Variants in RANBP2 observed in about 807,000 individuals in gnomAD.
The protein encoded by RANBP2 is E3 SUMO-protein ligase RanBP2.
A neutral mutation model predicts 303.6 loss-of-function variants in RANBP2; 57 were observed. That is an observed-to-expected ratio of 0.19 (90% CI 0.15 to 0.23). The LOEUF (loss-of-function observed/expected upper bound fraction) is 0.23. Among genes scored for constraint, RANBP2 ranks in the 10% least tolerant of loss-of-function variants. RANBP2 has a pLI of 1.00. For synonymous variants in RANBP2, 1,167 were observed against 1,301.5 expected (o/e 0.90, Z 2.23); for missense variants, 3,138 against 3,780.8 (o/e 0.83, Z 4.46).
chr2:109,331,133 G>A, the RANBP2 span, among the ~76,000 whole-genome samples: 1 of 152,170 alleles, frequency 6.6e-6, no homozygotes, highest in African/African-American at 2.4e-5. Flanking sequence ...AAACTCAAAA[G>A]CGGTTTCATT....
chr2:108,910,077 C>T, the RANBP2 span, among the ~76,000 whole-genome samples: 1 of 152,218 alleles, frequency 6.6e-6, no homozygotes, highest in Non-Finnish European at 1.5e-5. Flanking sequence ...ACCAGCATTA[C>T]GGTGGCAGCA....
chr2:109,429,138 C>T, the RANBP2 span, among the ~76,000 whole-genome samples: 12 of 152,248 alleles, frequency 7.9e-5, no homozygotes, highest in Admixed American at 5.2e-4. Context: ...GGGCCGGTCT[C>T]GGCACAAATT....
At chr2:109,293,111 C>T in the RANBP2 span, among the ~76,000 whole-genome samples, 1 of 152,208 alleles carries the variant, frequency 6.6e-6, no homozygotes, top group Non-Finnish European at 1.5e-5. Flanking sequence ...CGCCATGACA[C>T]TGCAGGGGAC....
At chr2:109,025,502 T>C in the RANBP2 span, among the ~76,000 whole-genome samples, 1,971 of 152,184 alleles carry the variant, frequency 0.013, 33 homozygotes, top group African/African-American at 0.045. Context: ...CTGGAAAAAG[T>C]CCATTATAAA....
the RANBP2 span, among the ~76,000 whole-genome samples, chr2:109,698,189 A>C: frequency 2.0e-5 from 3 of 152,096 alleles, no homozygotes; most frequent in Admixed American, 6.6e-5. Context: ...TGCTGTGTCT[A>C]TAAATTAACC....
At chr2:109,628,160 G>A in the RANBP2 span, among the ~76,000 whole-genome samples, 14 of 152,236 alleles carry the variant, frequency 9.2e-5, no homozygotes, top group East Asian at 2.5e-3. Flanking sequence ...ATGCAGAGAT[G>A]CTCCAGGCTA....
At chr2:109,134,573 C>T in the RANBP2 span, among the ~76,000 whole-genome samples, 31 of 152,334 alleles carry the variant, frequency 2.0e-4, no homozygotes, top group African/African-American at 6.7e-4. Context: ...AAGTGTGGCT[C>T]ATCTGGTCCT....
chr2:109,251,295 C>T, the RANBP2 span: 1 of 396,154 alleles, frequency 2.5e-6, no homozygotes. Flanking sequence ...GCGTGAGCCA[C>T]CATGCCCGGC....
chr2:109,415,077 G>A, the RANBP2 span, among the ~76,000 whole-genome samples: 1 of 152,226 alleles, frequency 6.6e-6, no homozygotes. Context: ...AGAGGAAGAC[G>A]TGGCACTGCT....
chr2:109,094,939 C>T, the RANBP2 span, among the ~76,000 whole-genome samples: 39 of 152,200 alleles, frequency 2.6e-4, 2 homozygotes, highest in East Asian at 7.7e-4. Context: ...ATTTTGTTCA[C>T]GTGACTTTAG....
chr2:108,934,740 C>T, the RANBP2 span, among the ~76,000 whole-genome samples: 1,295 of 152,304 alleles, frequency 8.5e-3, 20 homozygotes, highest in African/African-American at 0.03. Context: ...CCCACTCCCG[C>T]GATGATGACA....
At chr2:109,169,847 A>G in the RANBP2 span, among the ~76,000 whole-genome samples, 1 of 152,030 alleles carries the variant, frequency 6.6e-6, no homozygotes, top group Non-Finnish European at 1.5e-5. Flanking sequence ...GCTATATAAA[A>G]CCAGAACTTC....
At chr2:109,532,557 G>C in the RANBP2 span, among the ~76,000 whole-genome samples, 1 of 150,896 alleles carries the variant, frequency 6.6e-6, no homozygotes, top group African/African-American at 2.5e-5. Context: ...GAAGGGCCCT[G>C]ACCCCGGTGA....
chr2:108,901,269 A>T, the RANBP2 span, among the ~76,000 whole-genome samples: 1 of 152,226 alleles, frequency 6.6e-6, no homozygotes, highest in Non-Finnish European at 1.5e-5. Context: ...CTCAAAGACA[A>T]TTTAAAAATG....
the RANBP2 span, among the ~76,000 whole-genome samples, chr2:108,836,110 A>G: frequency 0.71 from 108,361 of 152,134 alleles, 41,619 homozygotes; most frequent in East Asian, 0.9. Context: ...TTTCCAACAC[A>G]TAAATTTTGA....
At chr2:109,593,873 T>C in the RANBP2 span, among the ~76,000 whole-genome samples, 3 of 152,180 alleles carry the variant, frequency 2.0e-5, no homozygotes, top group African/African-American at 4.8e-5. Context: ...AAAATAATCA[T>C]TTATAGAACT....
chr2:108,853,876 A>G, the RANBP2 span, among the ~76,000 whole-genome samples: 1 of 125,550 alleles, frequency 8.0e-6, no homozygotes, highest in Admixed American at 1.0e-4. Context: ...TATATACTAT[A>G]TAATATATTA....
At chr2:109,737,205 G>C in the RANBP2 span, 1 of 795,214 alleles carries the variant, frequency 1.3e-6, no homozygotes, top group Non-Finnish European at 2.0e-6. Context: ...AACTCTCTTT[G>C]CTGTTAGCAA....
At chr2:109,590,648 C>T in the RANBP2 span, among the ~76,000 whole-genome samples, 4 of 152,066 alleles carry the variant, frequency 2.6e-5, no homozygotes, top group Admixed American at 1.3e-4. Context: ...AGGCTGGTCT[C>T]GAACTCTTGA....
Sources: allele counts gnomAD v4.1 joint callset (sites outside exome capture counted in the v4.1 genomes callset), GRCh38; gene constraint gnomAD v4.1.1; transcripts MANE v1.5; gene names NCBI Gene and HGNC (gene_info 2026-07-23, HGNC 2026-07-21).